Variants in SYNE2 observed in about 807,000 individuals in gnomAD.
SYNE2 encodes spectrin repeat containing nuclear envelope protein 2.
SYNE2 carries 431 observed loss-of-function variants against 856.3 expected under a neutral mutation model. That is an observed-to-expected ratio of 0.50 (90% CI 0.47 to 0.55). SYNE2 has a LOEUF of 0.55. SYNE2 is among the 20% of genes least tolerant of loss of function. The pLI, the probability that SYNE2 is intolerant of heterozygous loss-of-function variation, is 0.00. For synonymous variants in SYNE2, 2,923 were observed against 2,872.3 expected (o/e 1.02, Z -0.56); for missense variants, 8,129 against 8,023.2 (o/e 1.01, Z -0.50).
rs189925239 is a variant in SYNE2, at chr14:64,018,203, C to T, written c.5049+447C>T. Among the ~76,000 whole-genome samples, 24 of 152,202 alleles carry T rather than the reference C, an allele frequency of 1.6e-4. No individual in the cohort carries two copies. In the East Asian group the frequency reaches 4.2e-3, roughly 27 times the overall value. On this transcript the variant is annotated intron_variant, in intron 34 of 115. Transcript: ENST00000555002. ...CGCCAACAAAATGCATAATTGCTCC[C>T]GGGTAGCAATACAGACCCCAGGGGT...
Position 64,173,950 on chromosome 14 carries a change from C to T in SYNE2, c.17236-994C>T, listed in dbSNP as rs17101708. Reference sequence around the variant, plus strand: ...CGCATCTCTTAAAAAACAGGACCTTCGCTACTCTCTGCACACTGCCTGCGG... The same window carrying T: ...CGCATCTCTTAAAAAACAGGACCTTTGCTACTCTCTGCACACTGCCTGCGG... On this transcript the variant is annotated intron_variant, in intron 94 of 115. Coordinates refer to ENST00000555002, the MANE Select transcript of SYNE2 (RefSeq NM_182914.3). 2.6e-3 allele frequency: 1,815 copies of T among 697,982 alleles called. 22 individuals carry two copies. In the African/African-American group the frequency reaches 0.027, roughly 10 times the overall value. The allele number at this position is 697,982 out of a possible 1,614,324, so 43.2% of individuals were successfully genotyped here. A position where few individuals can be genotyped will look rare whatever the true frequency, so the allele number is the denominator to read the frequency against.
At chr14:63,841,633 C>T (rs1332378371) in intron 1 of SYNE2, among the ~76,000 whole-genome samples, 1 of 152,124 alleles carries the variant, frequency 6.6e-6, no homozygotes, top group Admixed American at 6.6e-5. Flanking sequence ...AATGTTTTTC[C>T]ACAGAGCCAC....
At chr14:64,111,610 C>T (rs1328064499) in intron 65 of SYNE2, among the ~76,000 whole-genome samples, 1 of 151,908 alleles carries the variant, frequency 6.6e-6, no homozygotes, top group Non-Finnish European at 1.5e-5. Context: ...ACCAGCCTGG[C>T]CAACATGACA....
At chr14:63,795,594 G>T (rs1887891085) in intron 1 of SYNE2, among the ~76,000 whole-genome samples, 1 of 152,068 alleles carries the variant, frequency 6.6e-6, no homozygotes, top group African/African-American at 2.4e-5. Context: ...GTCTCACTTT[G>T]TTGCCCAGGG....
chr14:64,049,750 A>G lies in SYNE2; in HGVS notation c.7517A>G (p.Gln2506Arg). 2.5e-6 allele frequency: 4 copies of G among 1,614,182 alleles called. No individual in the cohort carries two copies. Among genetic ancestry groups the G allele is most frequent in the South Asian group, 1.1e-5 (1 of 91,090 alleles). ...YSAQHLDNLL[Q>R]ALITLKKNKE... The stretch of plus-strand genomic sequence containing the variant: ...GCACAGCATTTGGACAATTTGCTTC[A>G]GGCACTTATTACTTTGAAGAAAAAC... The change falls in exon 47 of 116, where the codon CAG becomes CGG. Residue 2506 changes from glutamine to arginine, a missense_variant. By Grantham distance (43) the Gln-to-Arg change is conservative. This residue lies in a region of SYNE2 where 5,410 missense variants were observed against 5,284.8 expected (regional missense o/e 1.02). Transcript: ENST00000555002.
intron 96 of SYNE2, among the ~76,000 whole-genome samples, chr14:64,185,736 G>C (rs564064048): frequency 2.0e-5 from 3 of 152,134 alleles, no homozygotes; most frequent in Admixed American, 2.0e-4. Context: ...GGCCAGGCTG[G>C]TCTTGAACTC....
intron 83 of SYNE2, 59 bp downstream of exon 83, chr14:64,144,007 A>C: frequency 1.2e-6 from 2 of 1,600,650 alleles, no homozygotes; most frequent in Non-Finnish European, 1.7e-6. Context: ...ACACTTTCTG[A>C]AAAATCAAAA....
At chr14:63,816,199 G>A (rs1255515259) in intron 1 of SYNE2, among the ~76,000 whole-genome samples, 4 of 151,962 alleles carry the variant, frequency 2.6e-5, no homozygotes, top group African/African-American at 4.8e-5. Flanking sequence ...TGCCCGCCTC[G>A]GCCTCCCAAA....
chr14:63,987,554 T>C (rs1421873029), intron 19 of SYNE2, among the ~76,000 whole-genome samples: 1 of 152,228 alleles, frequency 6.6e-6, no homozygotes, highest in Non-Finnish European at 1.5e-5. Context: ...GGAACATTTA[T>C]ATAATTTTTT....
chr14:63,864,381 T>C (rs1322023972), intron 1 of SYNE2: 1 of 152,248 alleles, frequency 6.6e-6, no homozygotes, highest in Non-Finnish European at 1.5e-5. Context: ...GTGAGCTGGA[T>C]GAAAAGAAAC....
rs778428851 is a variant in SYNE2 at position 64,132,371 on chromosome 14, T to G, written c.14447T>G (p.Val4816Gly). The G allele has an allele frequency of 6.2e-7, 1 of 1,614,180 alleles. No homozygotes were observed. Among genetic ancestry groups the G allele is most frequent in the Non-Finnish European group, 8.5e-7 (1 of 1,180,014 alleles). The change falls in exon 77 of 116, where the codon GTA becomes GGA. Residue 4816 changes from valine to glycine, a missense_variant. By Grantham distance (109) the Val-to-Gly change is moderately radical. Transcript: ENST00000555002. ...QNRETFWAEQ[V>G]TEVKILEEKS... ...AGAGAGACATTTTGGGCAGAACAAGTAACAGAAGTTAAAATACTAGAAGAA... is the reference window on the plus strand; with the variant it reads ...AGAGAGACATTTTGGGCAGAACAAGGAACAGAAGTTAAAATACTAGAAGAA...
chr14:63,813,142 A>G (rs1039858041), intron 1 of SYNE2, among the ~76,000 whole-genome samples: 3 of 152,226 alleles, frequency 2.0e-5, no homozygotes, highest in African/African-American at 7.2e-5. Context: ...TAGAGTTTCA[A>G]CAAAGCAGAC....
At chr14:64,217,721 G>T (rs1159726468) in intron 108 of SYNE2, among the ~76,000 whole-genome samples, 3 of 152,052 alleles carry the variant, frequency 2.0e-5, no homozygotes, top group Non-Finnish European at 2.9e-5. Flanking sequence ...GAAGCCAGAT[G>T]TATCACCACA....
intron 1 of SYNE2, among the ~76,000 whole-genome samples, chr14:63,872,008 C>T (rs529971276): frequency 7.9e-5 from 12 of 152,184 alleles, no homozygotes; most frequent in African/African-American, 1.7e-4. Flanking sequence ...TGTTGCTTAA[C>T]AATTTTGTTG....
chr14:64,208,708 C>G lies in SYNE2; in HGVS notation c.18202-50C>G, dbSNP rs1193726388. The stretch of plus-strand genomic sequence containing the variant: ...ACGGAGGTCCTTTGATGCTGACCCT[C>G]CTGCTGCCACCAACATCTCAAGAGG... On this transcript the variant is annotated intron_variant, in intron 100 of 115. Transcript: ENST00000555002. The G allele has an allele frequency of 3.7e-6, 6 of 1,603,824 alleles. No homozygotes were observed. In the South Asian group the frequency reaches 6.6e-5, roughly 18 times the overall value.
chr14:64,166,942 A>C (rs1458124154), intron 90 of SYNE2: 1 of 414,712 alleles, frequency 2.4e-6, no homozygotes, highest in Non-Finnish European at 4.5e-6. Flanking sequence ...CGAAAAATAA[A>C]AAATAAAAAA....
chr14:63,762,493 CT>C (rs35827608), intron 1 of SYNE2, among the ~76,000 whole-genome samples: 1,802 of 135,424 alleles, frequency 0.013, 47 homozygotes, highest in African/African-American at 0.044. Context: ...CTATCAAGAA[CT>C]TTTTTTTTTT....
At chr14:63,931,109 A>G (rs1007983441) in intron 2 of SYNE2, among the ~76,000 whole-genome samples, 3 of 152,166 alleles carry the variant, frequency 2.0e-5, no homozygotes, top group Non-Finnish European at 4.4e-5. Context: ...GAGCTGGAGA[A>G]TTGCTTAGCG....
chr14:64,218,205 T>G, intron 108 of SYNE2, 193 bp from the exon 109 acceptor site: 1 of 572,560 alleles, frequency 1.7e-6, no homozygotes, highest in Non-Finnish European at 3.2e-6. Context: ...AGCTGAGGCT[T>G]TATTTCTGCC....
Sources: gnomAD v4.1 joint callset for allele counts (sites outside exome capture counted in the v4.1 genomes callset) on GRCh38, gnomAD v4.1.1 for gene constraint, gnomAD v4.1.1 regional missense constraint, MANE v1.5 for transcripts, NCBI Gene and HGNC (gene_info 2026-07-23, HGNC 2026-07-21) for gene names.